The following DENND1A variants were observed in gnomAD, a reference collection of about 807,000 sequenced individuals.
The protein encoded by DENND1A is DENN domain-containing protein 1A.
DENND1A carries 51 observed loss-of-function variants against 113.7 expected under a neutral mutation model. That is an observed-to-expected ratio of 0.45 (90% CI 0.36 to 0.57). The LOEUF (loss-of-function observed/expected upper bound fraction) is 0.57. DENND1A is among the 20% of genes least tolerant of loss of function. The pLI is 0.00. For missense variants in DENND1A, 1,258 were observed against 1,395.9 expected, an observed-to-expected ratio of 0.90 and a Z score of 1.57; for synonymous variants, 565 against 570.8, an observed-to-expected ratio of 0.99 and a Z score of 0.14.
At chr9:123,888,131 G>A (rs2133719693) in intron 1 of DENND1A, among the ~76,000 whole-genome samples, 1 of 152,280 alleles carries the variant, frequency 6.6e-6, no homozygotes, top group East Asian at 1.9e-4. Flanking sequence ...AGAAATAGCT[G>A]ATTCTAGCAC....
intron 2 of DENND1A, among the ~76,000 whole-genome samples, chr9:123,857,789 G>C (rs1326255370): frequency 1.3e-5 from 2 of 152,228 alleles, no homozygotes; most frequent in Non-Finnish European, 2.9e-5. Flanking sequence ...GCCAGGGGCA[G>C]TGGCTCACAC....
intron 9 of DENND1A, among the ~76,000 whole-genome samples, chr9:123,644,318 G>A (rs770958918): frequency 1.6e-4 from 21 of 132,024 alleles, no homozygotes; most frequent in Non-Finnish European, 2.8e-4. Context: ...TCTACTTAAG[G>A]ATATTCTTAC....
chr9:123,526,047 C>T (rs996635035), intron 13 of DENND1A, among the ~76,000 whole-genome samples: 1 of 152,114 alleles, frequency 6.6e-6, no homozygotes, highest in African/African-American at 2.4e-5. Context: ...TGAGCTGCTG[C>T]ACTCAGCCAC....
At chr9:123,746,492 T>A (rs1174246797) in intron 5 of DENND1A, among the ~76,000 whole-genome samples, 1 of 152,152 alleles carries the variant, frequency 6.6e-6, no homozygotes, top group East Asian at 1.9e-4. Context: ...ATGTTTCAGA[T>A]TTTAGATTTG....
chr9:123,752,944 T>C (rs1489139418), intron 5 of DENND1A, among the ~76,000 whole-genome samples: 4 of 152,204 alleles, frequency 2.6e-5, no homozygotes, highest in Non-Finnish European at 5.9e-5. Context: ...TTAAATAATG[T>C]GGCAAATCTC....
At chr9:123,428,601 G>C (rs182017265) in intron 19 of DENND1A, among the ~76,000 whole-genome samples, 2 of 152,294 alleles carry the variant, frequency 1.3e-5, no homozygotes, top group East Asian at 3.9e-4. Flanking sequence ...AGAAAGACAG[G>C]AAGTCAAATT....
At chr9:123,737,016 G>C (rs543025233) in intron 5 of DENND1A, among the ~76,000 whole-genome samples, 1 of 152,174 alleles carries the variant, frequency 6.6e-6, no homozygotes, top group South Asian at 2.1e-4. Flanking sequence ...TAATTTATTC[G>C]GTATTTTTTA....
intron 21 of DENND1A, chr9:123,401,528 G>A (rs1276866714): frequency 3.0e-6 from 4 of 1,313,374 alleles, no homozygotes; most frequent in South Asian, 3.5e-5. Context: ...TGTGACGTAC[G>A]CTCACAGAAA....
At chr9:123,398,835 C>T (rs1271039357) in intron 21 of DENND1A, among the ~76,000 whole-genome samples, 5 of 150,242 alleles carry the variant, frequency 3.3e-5, no homozygotes, top group Non-Finnish European at 7.4e-5. Context: ...CGTTCTGTTA[C>T]TCAGGCTGGA....
At chr9:123,720,233 T>A (rs2141118858) in intron 5 of DENND1A, among the ~76,000 whole-genome samples, 1 of 152,282 alleles carries the variant, frequency 6.6e-6, no homozygotes, top group South Asian at 2.1e-4. Context: ...TGTAACAGAT[T>A]GGCAACCACC....
At chr9:123,516,209 G>A (rs1322939038) in intron 13 of DENND1A, among the ~76,000 whole-genome samples, 1 of 151,722 alleles carries the variant, frequency 6.6e-6, no homozygotes, top group African/African-American at 2.4e-5. Context: ...ATGACAAAAT[G>A]TCAATGGTGG....
intron 2 of DENND1A, among the ~76,000 whole-genome samples, chr9:123,793,541 T>C (rs943528942): frequency 3.9e-5 from 6 of 152,242 alleles, no homozygotes; most frequent in African/African-American, 1.4e-4. Flanking sequence ...CATGTATCAA[T>C]TCAAAGGCTT....
rs1399777664 is a variant in DENND1A, at chr9:123,380,495, G to A, written c.*937C>T. On this transcript the variant is annotated 3_prime_UTR_variant, in exon 24 of 24. Transcript: ENST00000394215. ...AGGGCCACTGCCTCGTTCCAACCCAGGAAGGCCAGCTGCCTTCCACATCAG... is the reference window on the plus strand; with the variant it reads ...AGGGCCACTGCCTCGTTCCAACCCAAGAAGGCCAGCTGCCTTCCACATCAG... 1.3e-5 allele frequency: 2 copies of A among 152,456 alleles called. No homozygotes were observed. The highest frequency in any genetic ancestry group is 2.9e-5 in the Non-Finnish European group (2 of 68,046). The allele number at this position is 152,456 out of a possible 1,614,324, so 9.4% of individuals were successfully genotyped here.
chr9:123,466,549 G>A (rs1028311792), intron 13 of DENND1A, among the ~76,000 whole-genome samples: 3 of 151,966 alleles, frequency 2.0e-5, no homozygotes, highest in Non-Finnish European at 2.9e-5. Flanking sequence ...CACCTGCCTC[G>A]GCCTCCCAAA....
At chr9:123,496,350 G>A (rs80325859) in intron 13 of DENND1A, among the ~76,000 whole-genome samples, 7,540 of 152,296 alleles carry the variant, frequency 0.05, 212 homozygotes, top group East Asian at 0.071. Context: ...TAACAAAAAA[G>A]TAGCTAAAAT....
intron 19 of DENND1A, among the ~76,000 whole-genome samples, chr9:123,424,445 C>T (rs959838683): frequency 3.9e-5 from 6 of 152,164 alleles, no homozygotes; most frequent in African/African-American, 4.8e-5. Context: ...TCATCTTTAC[C>T]CCCAGAAGCA....
intron 13 of DENND1A, among the ~76,000 whole-genome samples, chr9:123,479,820 G>T (rs1173866358): frequency 6.6e-6 from 1 of 152,260 alleles, no homozygotes; most frequent in Non-Finnish European, 1.5e-5. Context: ...CACATTGGGA[G>T]CCTCTTGCTT....
At chr9:123,504,282 C>A (rs1357043784) in intron 13 of DENND1A, among the ~76,000 whole-genome samples, 1 of 152,220 alleles carries the variant, frequency 6.6e-6, no homozygotes, top group African/African-American at 2.4e-5. Context: ...CCTCATCTCA[C>A]CTACCCTACC....
At chr9:123,663,848 A>G (rs2063365637) in intron 8 of DENND1A, among the ~76,000 whole-genome samples, 1 of 150,726 alleles carries the variant, frequency 6.6e-6, no homozygotes, top group Non-Finnish European at 1.5e-5. Context: ...AAACTTAACA[A>G]CAAAAAAAAA....
Sources: gnomAD v4.1 joint callset for allele counts (sites outside exome capture counted in the v4.1 genomes callset) on GRCh38, gnomAD v4.1.1 for gene constraint, MANE v1.5 for transcripts, NCBI Gene and HGNC (gene_info 2026-07-23, HGNC 2026-07-21) for gene names.